The following MAD2L1BP variants were observed in gnomAD, a reference collection of about 807,000 sequenced individuals.
The protein encoded by MAD2L1BP is MAD2L1-binding protein.
MAD2L1BP carries 22 observed loss-of-function variants against 28.4 expected under a neutral mutation model. The ratio of observed to expected loss-of-function variants is 0.77; its 90% confidence interval spans 0.55 to 1.10. The LOEUF (loss-of-function observed/expected upper bound fraction) is 1.10. Ranked by LOEUF, MAD2L1BP falls within the 50% of genes least tolerant of loss-of-function variation. The pLI is 0.00. For missense variants in MAD2L1BP, 325 were observed against 350.5 expected, an observed-to-expected ratio of 0.93 and a Z score of 0.58; for synonymous variants, 146 against 133.7, an observed-to-expected ratio of 1.09 and a Z score of -0.63.
upstream of MAD2L1BP, among the ~76,000 whole-genome samples, chr6:43,634,578 T>C (rs1268768400): frequency 2.6e-5 from 4 of 152,162 alleles, no homozygotes; most frequent in Middle Eastern, 3.4e-3. Flanking sequence ...TTCTTTTTTT[T>C]GAGATGGAGT....
upstream of MAD2L1BP, chr6:43,633,282 C>CTTGTTT: frequency 2.6e-6 from 1 of 388,478 alleles, no homozygotes. Flanking sequence ...AAGGGATTCT[C>CTTGTTT]CTGCCTCAGC....
At chr6:43,639,719 T>C (rs1770459488) in intron 2 of MAD2L1BP, among the ~76,000 whole-genome samples, 2 of 152,204 alleles carry the variant, frequency 1.3e-5, no homozygotes, top group African/African-American at 4.8e-5. Context: ...CAGCAAAAAT[T>C]TGTTGTCACT....
chr6:43,632,715 G>C (rs560431695), upstream of MAD2L1BP, among the ~76,000 whole-genome samples: 1 of 137,464 alleles, frequency 7.3e-6, no homozygotes, highest in South Asian at 2.3e-4. Flanking sequence ...ATGTTGCCCA[G>C]ACTGGTCTTA....
intron 1 of MAD2L1BP, among the ~76,000 whole-genome samples, chr6:43,630,203 T>C (rs1327873568): frequency 6.6e-6 from 1 of 152,216 alleles, no homozygotes; most frequent in Non-Finnish European, 1.5e-5. Context: ...TTTGACTCTC[T>C]TGTGAAGCAA....
upstream of MAD2L1BP, among the ~76,000 whole-genome samples, chr6:43,631,209 C>T (rs1769910213): frequency 6.6e-6 from 1 of 152,194 alleles, no homozygotes; most frequent in South Asian, 2.1e-4. Flanking sequence ...TGGTTGAAAG[C>T]ACATGTGACT....
chr6:43,636,105 T>C (rs1770202967), intron 1 of MAD2L1BP, among the ~76,000 whole-genome samples, 184 bp downstream of exon 1: 1 of 152,166 alleles, frequency 6.6e-6, no homozygotes, highest in African/African-American at 2.4e-5. Flanking sequence ...TTGACTACAC[T>C]TTTGACTCAT....
In MAD2L1BP at chr6:43,638,795, C is replaced by CA. The variant is rs113277792; in HGVS notation, c.313-1212dup. On this transcript the variant is annotated intron_variant, in intron 2 of 2. Transcript: ENST00000372171. ...TGGGCGAAAGAGCGAAACTCTGTCT[C>CA]AAAAAAAAAAAAAAGAATAAATCAT... 2.7e-3 allele frequency among the ~76,000 whole-genome samples: 342 copies of CA among 127,102 alleles called. 3 individuals carry two copies. The highest frequency in any genetic ancestry group is 6.8e-3 in the South Asian group (27 of 3,962). The allele number at this position is 127,102 out of a possible 152,430, so 83.4% of individuals were successfully genotyped here.
upstream of MAD2L1BP, among the ~76,000 whole-genome samples, chr6:43,634,788 T>G (rs890508271): frequency 6.6e-6 from 1 of 152,170 alleles, no homozygotes; most frequent in Non-Finnish European, 1.5e-5. Context: ...CTCAAACTCC[T>G]GACCTCGTGA....
Position 43,636,421 on chromosome 6 carries a change from C to T in MAD2L1BP, c.87C>T (p.Ser29=). 1 of 1,614,162 alleles carries T rather than the reference C, an allele frequency of 6.2e-7. No individual in the cohort carries two copies. Among genetic ancestry groups the T allele is most frequent in the Non-Finnish European group, 8.5e-7 (1 of 1,180,028 alleles). Residue 29 remains serine, a synonymous_variant, in exon 2 of 3, where the codon TCC becomes TCT. Transcript: ENST00000372171. ...WYEKSEETHA[S]QIELLETSST... The stretch of plus-strand genomic sequence containing the variant: ...AGAAGTCCGAAGAAACTCACGCCTC[C>T]CAGATAGAACTACTTGAGACAAGCT...
At chr6:43,629,612 C>T in exon 1 of MAD2L1BP, 1 of 876,458 alleles carries the variant, frequency 1.1e-6, no homozygotes. Flanking sequence ...ACATCAGAAT[C>T]GAGCTTTGTG....
chr6:43,635,757 T>G, upstream of MAD2L1BP: 2 of 1,045,126 alleles, frequency 1.9e-6, no homozygotes, highest in South Asian at 1.9e-5. Context: ...TCCCCCACAC[T>G]GCGGCGACGC....
rs1174832062 is a variant in MAD2L1BP at position 43,635,849 on chromosome 6, G to A, written c.-27G>A. 1.4e-5 allele frequency: 20 copies of A among 1,466,148 alleles called. No homozygotes were observed. Among genetic ancestry groups the A allele is most frequent in the Non-Finnish European group, 1.8e-5 (20 of 1,114,040 alleles). The allele number at this position is 1,466,148 out of a possible 1,614,324, so 90.8% of individuals were successfully genotyped here. The stretch of plus-strand genomic sequence containing the variant: ...GCCCCGCGAGACCTTTATTCTAACC[G>A]CAAGGAGTAGCGGAGGGGAGGTCGT... On this transcript the variant is annotated 5_prime_UTR_variant, in exon 1 of 3. Coordinates refer to ENST00000372171, the MANE Select transcript of MAD2L1BP (RefSeq NM_014628.3).
In MAD2L1BP at chr6:43,640,590, G is replaced by A. The variant is rs1582368693; in HGVS notation, c.*57G>A. Reference sequence around the variant, plus strand: ...GCTGAATTATCTTTCTCCATGTGGCGCTGAATCACCCATCTGGTTTGGAGC... The same window carrying A: ...GCTGAATTATCTTTCTCCATGTGGCACTGAATCACCCATCTGGTTTGGAGC... On this transcript the variant is annotated 3_prime_UTR_variant, in exon 3 of 3. Transcript: ENST00000372171. 6 of 1,503,292 alleles carry A rather than the reference G, an allele frequency of 4.0e-6. No homozygotes were observed. Among genetic ancestry groups the A allele is most frequent in the East Asian group, 2.3e-5 (1 of 43,546 alleles). The allele number at this position is 1,503,292 out of a possible 1,614,324, so 93.1% of individuals were successfully genotyped here. A position where few individuals can be genotyped will look rare whatever the true frequency, so the allele number is the denominator to read the frequency against.
At chr6:43,632,732 TG>T (rs1467478021), upstream of MAD2L1BP, among the ~76,000 whole-genome samples, 2 of 150,694 alleles carry the variant, frequency 1.3e-5, no homozygotes, top group African/African-American at 4.9e-5. Context: ...CTTAAACTTC[TG>T]GACTCAGCCG....
chr6:43,635,039 C>A (rs573745929), upstream of MAD2L1BP, among the ~76,000 whole-genome samples: 1 of 152,138 alleles, frequency 6.6e-6, no homozygotes, highest in Non-Finnish European at 1.5e-5. Context: ...GTATCCCTGC[C>A]TCCTCTCTTA....
chr6:43,630,741 T>C (rs1296093987), intron 1 of MAD2L1BP, among the ~76,000 whole-genome samples: 1 of 118,974 alleles, frequency 8.4e-6, no homozygotes, highest in Non-Finnish European at 1.8e-5. Context: ...AGACTCCAAC[T>C]AAAAAAAAAA....
rs149371183 is a variant in MAD2L1BP at position 43,637,946 on chromosome 6, G to A, written c.312+1300G>A. Among the ~76,000 whole-genome samples, 938 of 151,486 alleles carry A rather than the reference G, an allele frequency of 6.2e-3. 6 individuals carry two copies. Among genetic ancestry groups the A allele is most frequent in the African/African-American group, 0.021 (871 of 41,280 alleles). On this transcript the variant is annotated intron_variant, in intron 2 of 2. Transcript: ENST00000372171. ...GGAGTCTCGCTCTTGTGTGGCCCAGGCTGGAGTGCAGTGGAGCGATCTCGG... is the reference window on the plus strand; with the variant it reads ...GGAGTCTCGCTCTTGTGTGGCCCAGACTGGAGTGCAGTGGAGCGATCTCGG...
chr6:43,639,906 T>G, intron 2 of MAD2L1BP, 115 bp from the exon 3 acceptor site: 117 of 821,380 alleles, frequency 1.4e-4, no homozygotes, highest in East Asian at 2.6e-4. Flanking sequence ...GGCGGTTCAT[T>G]GAGCTAGAAA....
chr6:43,637,425 C>CTTT (rs766935941), intron 2 of MAD2L1BP, among the ~76,000 whole-genome samples: 4 of 130,064 alleles, frequency 3.1e-5, no homozygotes, highest in Admixed American at 7.8e-5. Context: ...CTTTTTTCTT[C>CTTT]TTTTTTTTTT....
Sources: allele counts gnomAD v4.1 joint callset (sites outside exome capture counted in the v4.1 genomes callset), GRCh38; gene constraint gnomAD v4.1.1; transcripts MANE v1.5; gene names NCBI Gene and HGNC (gene_info 2026-07-23, HGNC 2026-07-21).